Variants in LRRC7 observed in about 807,000 individuals in gnomAD.
LRRC7 encodes leucine rich repeat containing 7.
LRRC7 carries 23 observed loss-of-function variants against 175.7 expected under a neutral mutation model. That is an observed-to-expected ratio of 0.13 (90% confidence interval 0.09 to 0.19). The LOEUF (loss-of-function observed/expected upper bound fraction) is 0.19, where lower values mean the gene tolerates loss of function less well. LRRC7 is among the 10% of genes least tolerant of loss of function. The probability of loss-of-function intolerance (pLI) is 1.00; values close to 1 mark genes in which losing one functional copy is unlikely to be tolerated. For synonymous variants in LRRC7, 685 were observed against 680.9 expected, an observed-to-expected ratio of 1.01 and a Z score of -0.09; for missense variants, 1,354 against 1,904.7, an observed-to-expected ratio of 0.71 and a Z score of 5.38.
intron 2 of LRRC7, among the ~76,000 whole-genome samples, chr1:69,708,419 A>G (rs1347855508): frequency 2.6e-5 from 4 of 152,146 alleles, no homozygotes; most frequent in East Asian, 3.9e-4. Context: ...GTTCCTTAAA[A>G]TATACCACAT....
chr1:69,584,841 T>C (rs1355588058), intron 1 of LRRC7, among the ~76,000 whole-genome samples: 2 of 152,190 alleles, frequency 1.3e-5, no homozygotes, highest in African/African-American at 2.4e-5. Context: ...GTGAGTGTTC[T>C]TTCAGACTAG....
intron 2 of LRRC7, chr1:69,716,000 T>C (rs934046594): frequency 1.4e-5 from 5 of 363,884 alleles, no homozygotes; most frequent in African/African-American, 8.4e-5. Flanking sequence ...ATTATTCTTA[T>C]AGGATATGTA....
chr1:70,056,329 G>A (rs965446883), intron 23 of LRRC7, among the ~76,000 whole-genome samples: 2 of 152,142 alleles, frequency 1.3e-5, no homozygotes, highest in African/African-American at 2.4e-5. Flanking sequence ...TCAAAGATTA[G>A]ATCAATACAG....
intron 24 of LRRC7, among the ~76,000 whole-genome samples, chr1:70,077,461 C>T (rs1042732215): frequency 6.6e-6 from 1 of 151,976 alleles, no homozygotes; most frequent in Non-Finnish European, 1.5e-5. Context: ...TATGCTTTAC[C>T]AAAGGCATCT....
chr1:69,883,121 A>G (rs2101618508), intron 7 of LRRC7, among the ~76,000 whole-genome samples: 1 of 152,198 alleles, frequency 6.6e-6, no homozygotes, highest in East Asian at 1.9e-4. Flanking sequence ...TCCTTTGGGT[A>G]TATACCCAGT....
In LRRC7 at chr1:69,966,912, T is replaced by G. The variant is rs370339924; in HGVS notation, c.712-13467T>G. Among the ~76,000 whole-genome samples, 12 of 152,300 alleles carry G rather than the reference T, an allele frequency of 7.9e-5. No homozygotes were observed. In the East Asian group the frequency reaches 1.7e-3, roughly 22 times the overall value. On this transcript the variant is annotated intron_variant, in intron 8 of 26. Coordinates refer to ENST00000651989, the MANE Select transcript of LRRC7 (RefSeq NM_001370785.2). ...TCCACATGGAGAAGGAAACCTCCAGTTGAACTTTGTAACAATTTGAACTGA... is the reference window on the plus strand; with the variant it reads ...TCCACATGGAGAAGGAAACCTCCAGGTGAACTTTGTAACAATTTGAACTGA...
chr1:69,770,116 C>G (rs1424391916), intron 3 of LRRC7, among the ~76,000 whole-genome samples: 1 of 152,082 alleles, frequency 6.6e-6, no homozygotes, highest in Non-Finnish European at 1.5e-5. Context: ...TCCATGTAAC[C>G]GTGACAGTTG....
At chr1:69,624,083 C>CA (rs1251003096) in intron 1 of LRRC7, among the ~76,000 whole-genome samples, 1 of 152,042 alleles carries the variant, frequency 6.6e-6, no homozygotes. Context: ...AACATATACT[C>CA]AACTCCAGGA....
intron 1 of LRRC7, among the ~76,000 whole-genome samples, chr1:69,605,860 G>A (rs12057181): frequency 0.084 from 12,830 of 151,992 alleles, 937 homozygotes; most frequent in African/African-American, 0.2. Flanking sequence ...CTAGATTATA[G>A]GGTTATTTTA....
At chr1:69,657,484 T>C (rs2100514927) in intron 1 of LRRC7, among the ~76,000 whole-genome samples, 1 of 151,970 alleles carries the variant, frequency 6.6e-6, no homozygotes, top group African/African-American at 2.4e-5. Flanking sequence ...AAGTATAAGA[T>C]TCCCAAGGAT....
At chr1:70,090,194 T>C (rs530341144) in intron 25 of LRRC7, among the ~76,000 whole-genome samples, 2 of 152,290 alleles carry the variant, frequency 1.3e-5, no homozygotes, top group African/African-American at 2.4e-5. Flanking sequence ...TTTAGGAAAC[T>C]GTTTTCTCAC....
intron 7 of LRRC7, among the ~76,000 whole-genome samples, chr1:69,925,029 A>G (rs1647018674): frequency 6.6e-6 from 1 of 152,184 alleles, no homozygotes; most frequent in Non-Finnish European, 1.5e-5. Flanking sequence ...AATTTTGTCA[A>G]AGGCCTTTTC....
At chr1:69,710,268 G>T (rs576164063) in intron 2 of LRRC7, among the ~76,000 whole-genome samples, 15 of 101,970 alleles carry the variant, frequency 1.5e-4, no homozygotes, top group Non-Finnish European at 2.7e-4. Flanking sequence ...GACATAGCAA[G>T]ACTCCGTCTC....
rs1348063017 is a variant in LRRC7, at chr1:70,134,483, C to T, written c.*12596C>T. Among the ~76,000 whole-genome samples the T allele has an allele frequency of 1.3e-5, 2 of 152,176 alleles. No homozygotes were observed. The highest frequency in any genetic ancestry group is 2.9e-5 in the Non-Finnish European group (2 of 68,036). ...TTCTTCTTTGCTAATTCCATCAAAG[C>T]CCTACTTATATGGGTTTCAGGTGTT... is the stretch of plus-strand genomic sequence containing the variant. On this transcript the variant is annotated 3_prime_UTR_variant, in exon 27 of 27. Transcript: ENST00000651989.
At chr1:70,026,017 C>T (rs989538929) in intron 17 of LRRC7, among the ~76,000 whole-genome samples, 1 of 152,060 alleles carries the variant, frequency 6.6e-6, no homozygotes, top group African/African-American at 2.4e-5. Flanking sequence ...CAAAATATCA[C>T]ATGTGCTTGC....
intron 3 of LRRC7, among the ~76,000 whole-genome samples, chr1:69,781,683 AAAAAG>A (rs1673524681): frequency 1.1e-5 from 1 of 88,650 alleles, no homozygotes; most frequent in Non-Finnish European, 2.3e-5. Flanking sequence ...CTGTCTCAAA[AAAAAG>A]AAGAAAGAAA....
intron 8 of LRRC7, among the ~76,000 whole-genome samples, chr1:69,978,524 A>G (rs1653071593): frequency 6.6e-6 from 1 of 152,100 alleles, no homozygotes; most frequent in African/African-American, 2.4e-5. Flanking sequence ...CAGTAGAAGT[A>G]TTTTTCTACA....
chr1:69,703,071 A>G (rs1354297095), intron 2 of LRRC7, among the ~76,000 whole-genome samples: 1 of 152,072 alleles, frequency 6.6e-6, no homozygotes, highest in Non-Finnish European at 1.5e-5. Flanking sequence ...TAATGTTTTT[A>G]GTTCTTATGA....
chr1:69,700,574 G>T (rs996311405), intron 2 of LRRC7, among the ~76,000 whole-genome samples: 6 of 152,124 alleles, frequency 3.9e-5, no homozygotes, highest in African/African-American at 1.4e-4. Context: ...CTACTGTGAG[G>T]CTGGCTTCGC....
Sources: allele counts gnomAD v4.1 joint callset (sites outside exome capture counted in the v4.1 genomes callset), GRCh38; gene constraint gnomAD v4.1.1; transcripts MANE v1.5; gene names NCBI Gene and HGNC (gene_info 2026-07-23, HGNC 2026-07-21).